Variants in BCL2L13 observed in about 807,000 individuals in gnomAD.
The protein encoded by BCL2L13 is BCL2 like 13, also known as bcl-2-like protein 13.
A neutral mutation model predicts 25.8 loss-of-function variants in BCL2L13; 13 were observed. That is an observed-to-expected ratio of 0.50 (90% CI 0.33 to 0.80). The LOEUF (loss-of-function observed/expected upper bound fraction) is 0.80, where lower values mean the gene tolerates loss of function less well. Among genes scored for constraint, BCL2L13 ranks in the 30% least tolerant of loss-of-function variants. BCL2L13 has a pLI of 0.02. For synonymous variants in BCL2L13, 244 were observed against 230.3 expected, an observed-to-expected ratio of 1.06 and a Z score of -0.54; for missense variants, 504 against 574.9, an observed-to-expected ratio of 0.88 and a Z score of 1.26.
intron 1 of BCL2L13, among the ~76,000 whole-genome samples, chr22:17,630,440 T>G (rs1568901974): frequency 6.7e-6 from 1 of 149,202 alleles, no homozygotes; most frequent in Non-Finnish European, 1.5e-5. Flanking sequence ...CCACCATGCA[T>G]GGCTAATTTT....
chr22:17,633,848 A>G (rs993173577), upstream of BCL2L13, among the ~76,000 whole-genome samples: 1 of 151,890 alleles, frequency 6.6e-6, no homozygotes, highest in Non-Finnish European at 1.5e-5. Context: ...TCACTCCCCA[A>G]TTTACAACTC....
In BCL2L13 at chr22:17,661,381, G is replaced by A. The variant is rs991044124; in HGVS notation, c.121+5549G>A. 1.0e-4 allele frequency among the ~76,000 whole-genome samples: 15 copies of A among 145,808 alleles called. 3 individuals carry two copies. The highest frequency in any genetic ancestry group is 9.0e-4 in the Admixed American group (13 of 14,514). On this transcript the variant is annotated intron_variant, in intron 2 of 6. Transcript: ENST00000317582. The stretch of plus-strand genomic sequence containing the variant: ...GCTGGGATTACAGGTGTGAGCCACC[G>A]TGCCTGGCCAACATTTTATTTTTTA...
chr22:17,727,573 T>G lies in BCL2L13; in HGVS notation c.*39T>G, dbSNP rs1425653865. 6.2e-7 allele frequency: 1 copy of G among 1,603,808 alleles called. No individual in the cohort carries two copies. The highest frequency in any genetic ancestry group is 2.2e-5 in the East Asian group (1 of 44,670). On this transcript the variant is annotated 3_prime_UTR_variant, in exon 7 of 7. Transcript: ENST00000317582. ...AGAGAAAGACAGAAGGATGTAAGGTTGGAGTTGTATTGGCTGGAATTTGAA... is the reference window on the plus strand; with the variant it reads ...AGAGAAAGACAGAAGGATGTAAGGTGGGAGTTGTATTGGCTGGAATTTGAA...
At chr22:17,681,039 C>G (rs374597426) in intron 2 of BCL2L13, among the ~76,000 whole-genome samples, 9 of 152,128 alleles carry the variant, frequency 5.9e-5, no homozygotes, top group Non-Finnish European at 1.0e-4. Flanking sequence ...CTCCATGCCC[C>G]GCGATTACTC....
rs1310144905 is a variant in BCL2L13, at chr22:17,688,111, G to A, written c.230-875G>A. Reference sequence around the variant, plus strand: ...TGGGATTACAGGCATGCGCCACCGCGCCCGGCCTTAATATTTTGTATTTTT... The same window carrying A: ...TGGGATTACAGGCATGCGCCACCGCACCCGGCCTTAATATTTTGTATTTTT... On this transcript the variant is annotated intron_variant, in intron 3 of 6. Transcript: ENST00000317582. Among the ~76,000 whole-genome samples, 12 of 152,052 alleles carry A rather than the reference G, an allele frequency of 7.9e-5. No individual in the cohort carries two copies. In the South Asian group the frequency reaches 1.0e-3, roughly 13 times the overall value.
chr22:17,643,480 T>C (rs1400030110), intron 1 of BCL2L13, among the ~76,000 whole-genome samples: 3 of 152,026 alleles, frequency 2.0e-5, no homozygotes, highest in Non-Finnish European at 2.9e-5. Context: ...TGGCAAAGCA[T>C]GGATTAGAAA....
chr22:17,665,157 C>G (rs1318274080), intron 2 of BCL2L13, among the ~76,000 whole-genome samples: 3 of 152,200 alleles, frequency 2.0e-5, no homozygotes, highest in Admixed American at 6.5e-5. Flanking sequence ...GAGATTTCTT[C>G]TGCCAGATAC....
At chr22:17,721,072 A>T (rs2061110523) in intron 6 of BCL2L13, among the ~76,000 whole-genome samples, 1 of 151,978 alleles carries the variant, frequency 6.6e-6, no homozygotes, top group South Asian at 2.1e-4. Context: ...GGGGAGGCTG[A>T]GGCAGGAGAA....
intron 6 of BCL2L13, among the ~76,000 whole-genome samples, chr22:17,718,708 A>AT (rs2061014711): frequency 6.6e-6 from 1 of 152,206 alleles, no homozygotes; most frequent in South Asian, 2.1e-4. Context: ...CTTTTTGAAG[A>AT]TTTTTAAAAA....
chr22:17,725,551 C>T (rs1245841078), intron 6 of BCL2L13, among the ~76,000 whole-genome samples: 1 of 152,158 alleles, frequency 6.6e-6, no homozygotes, highest in Non-Finnish European at 1.5e-5. Context: ...TTTTCTTCTT[C>T]TTCTAAGGAA....
At chr22:17,706,328 TG>T (rs1294494578) in intron 6 of BCL2L13, among the ~76,000 whole-genome samples, 1 of 150,786 alleles carries the variant, frequency 6.6e-6, no homozygotes. Context: ...CTTTCTACCT[TG>T]TTTTTTTTTT....
intron 3 of BCL2L13, among the ~76,000 whole-genome samples, chr22:17,687,355 T>C (rs978565480): frequency 6.6e-6 from 1 of 152,096 alleles, no homozygotes; most frequent in African/African-American, 2.4e-5. Flanking sequence ...TGGTTATTTT[T>C]TGGGGAGACA....
intron 5 of BCL2L13, among the ~76,000 whole-genome samples, chr22:17,701,915 CAA>C (rs5844321): frequency 0.023 from 2,396 of 104,394 alleles, 66 homozygotes; most frequent in African/African-American, 0.073. Context: ...GACTCCATCT[CAA>C]AAAAAAAAAA....
chr22:17,669,793 T>C (rs574730532), intron 2 of BCL2L13, among the ~76,000 whole-genome samples: 1 of 152,176 alleles, frequency 6.6e-6, no homozygotes, highest in Non-Finnish European at 1.5e-5. Flanking sequence ...GCTCACACAT[T>C]AGCATGCTCA....
rs765639315 is a variant in BCL2L13, at chr22:17,711,304, C to CTTTTTTTTTTTTTTTTTTTT, written c.600+8929_600+8930insTTTTTTTTTTTTTTTTTTTT. 2.2e-4 allele frequency among the ~76,000 whole-genome samples: 27 copies of CTTTTTTTTTTTTTTTTTTTT among 125,378 alleles called. 1 individual carries two copies. The highest frequency in any genetic ancestry group is 2.5e-4 in the Non-Finnish European group (15 of 59,370). The allele number at this position is 125,378 out of a possible 152,430, so 82.3% of individuals were successfully genotyped here. A position where few individuals can be genotyped will look rare whatever the true frequency, so the allele number is the denominator to read the frequency against. ...TTTCCCTTATTTCTTCATGATGGGC[C>CTTTTTTTTTTTTTTTTTTTT]TTTTTTTTTTTGAGACAGGGTTTCA... On this transcript the variant is annotated intron_variant, in intron 6 of 6. Transcript: ENST00000317582.
rs138855791 is a variant in BCL2L13 at position 17,661,625 on chromosome 22, A to T, written c.121+5793A>T. On this transcript the variant is annotated intron_variant, in intron 2 of 6. Coordinates refer to ENST00000317582, the MANE Select transcript of BCL2L13 (RefSeq NM_015367.4). ...TTGCCATTAGTACAAGTAAAAATGTACTGTGTACACGTAAATAAATAGAAA... is the reference window on the plus strand; with the variant it reads ...TTGCCATTAGTACAAGTAAAAATGTTCTGTGTACACGTAAATAAATAGAAA... 2.5e-4 allele frequency among the ~76,000 whole-genome samples: 36 copies of T among 146,002 alleles called. No individual in the cohort carries two copies. The East Asian group carries it at 6.6e-3, about 27-fold the overall frequency.
intron 6 of BCL2L13, among the ~76,000 whole-genome samples, chr22:17,725,894 ATAT>A (rs1187332399): frequency 1.3e-5 from 2 of 150,064 alleles, no homozygotes; most frequent in Admixed American, 1.3e-4. Context: ...ATTTTATATA[ATAT>A]TAATATATTA....
chr22:17,668,691 T>C (rs888131350), intron 2 of BCL2L13, among the ~76,000 whole-genome samples: 1 of 152,112 alleles, frequency 6.6e-6, no homozygotes, highest in East Asian at 2.0e-4. Context: ...GGTCTCGAAC[T>C]CCTGACCTCG....
chr22:17,635,437 T>C (rs1402919368), upstream of BCL2L13, among the ~76,000 whole-genome samples: 1 of 152,122 alleles, frequency 6.6e-6, no homozygotes, highest in Non-Finnish European at 1.5e-5. Flanking sequence ...TAAAGTCAAA[T>C]GATTTCTATA....
Sources: allele counts gnomAD v4.1 joint callset (sites outside exome capture counted in the v4.1 genomes callset), GRCh38; gene constraint gnomAD v4.1.1; transcripts MANE v1.5; gene names NCBI Gene and HGNC (gene_info 2026-07-23, HGNC 2026-07-21).